CENPC: variants seen among roughly 807,000 people sequenced by gnomAD.
CENPC encodes centromere protein C, also known as CENP-C 1.
Under a neutral mutation model 112.1 loss-of-function variants are expected in CENPC, and 63 were observed. The ratio of observed to expected loss-of-function variants is 0.56; its 90% CI spans 0.46 to 0.69. The LOEUF (loss-of-function observed/expected upper bound fraction) is 0.69, where lower values mean the gene tolerates loss of function less well. Ranked by LOEUF, CENPC falls within the 30% of genes least tolerant of loss-of-function variation. The pLI, the probability that CENPC is intolerant of heterozygous loss-of-function variation, is 0.00. For missense variants in CENPC, 1,000 were observed against 1,103.8 expected, an observed-to-expected ratio of 0.91 and a Z score of 1.33; for synonymous variants, 333 against 367.6, an observed-to-expected ratio of 0.91 and a Z score of 1.08.
Position 67,478,102 on chromosome 4 carries a change from A to T in CENPC, c.2671-3124T>A, listed in dbSNP as rs142633999. Among the ~76,000 whole-genome samples, 1,337 of 152,274 alleles carry T rather than the reference A, an allele frequency of 8.8e-3. 17 individuals carry two copies. The highest frequency in any genetic ancestry group is 0.014 in the Non-Finnish European group (935 of 68,038). Reference sequence around the variant, plus strand: ...AATTGGTGTTCCTGAGGAAGAAGAGAAATCTAAAAGTTTGGAAAAATTTGA... The same window carrying T: ...AATTGGTGTTCCTGAGGAAGAAGAGTAATCTAAAAGTTTGGAAAAATTTGA... On this transcript the variant is annotated intron_variant, in intron 17 of 18. Transcript: ENST00000273853.
intron 11 of CENPC, among the ~76,000 whole-genome samples, 179 bp downstream of exon 11, chr4:67,506,609 T>C (rs1049557080): frequency 7.9e-5 from 12 of 152,184 alleles, no homozygotes; most frequent in African/African-American, 2.2e-4. Context: ...TGCTACCTCC[T>C]GAGAATATCC....
At chr4:67,496,027 G>C (rs978533404) in intron 12 of CENPC, among the ~76,000 whole-genome samples, 2 of 152,150 alleles carry the variant, frequency 1.3e-5, no homozygotes, top group African/African-American at 4.8e-5. Context: ...AAAAGGCTAA[G>C]TCCTAATACA....
intron 17 of CENPC, among the ~76,000 whole-genome samples, chr4:67,487,621 A>G (rs1402851676): frequency 2.0e-5 from 3 of 151,636 alleles, no homozygotes; most frequent in Non-Finnish European, 4.4e-5. Flanking sequence ...AATTTTAAAA[A>G]TATTCTCAAC....
chr4:67,514,348 T>C lies in CENPC; in HGVS notation c.1170A>G (p.Glu390=). 1 of 1,612,778 alleles carries C rather than the reference T, an allele frequency of 6.2e-7. No individual in the cohort carries two copies. Among genetic ancestry groups the C allele is most frequent in the Non-Finnish European group, 8.5e-7 (1 of 1,179,118 alleles). Residue 390 remains glutamate, a synonymous_variant, in exon 8 of 19, where the codon GAA becomes GAG. Transcript: ENST00000273853. ...VLDTSYALIG[E]TVNNYRSTKY... Reference sequence around the variant, plus strand: ...TTGTAGATCTATAATTATTTACTGTTTCACCTATCAAAGCATAACTTGTAT... The same window carrying C: ...TTGTAGATCTATAATTATTTACTGTCTCACCTATCAAAGCATAACTTGTAT...
chr4:67,472,464 T>C lies in CENPC; in HGVS notation c.*141A>G, dbSNP rs565671244. 24 of 1,109,644 alleles carry C rather than the reference T, an allele frequency of 2.2e-5. No homozygotes were observed. Among genetic ancestry groups the C allele is most frequent in the African/African-American group, 4.9e-5 (3 of 61,654 alleles). The allele number at this position is 1,109,644 out of a possible 1,614,324, so 68.7% of individuals were successfully genotyped here. ...AAAACATGTGAGTTAGAAATGTTTA[T>C]CAAATACAAGTCTACAGAAAACTGA... On this transcript the variant is annotated 3_prime_UTR_variant, in exon 19 of 19. Transcript: ENST00000273853.
Position 67,472,432 on chromosome 4 carries a change from A to T in CENPC, c.*173T>A. ...AGCTATTATGTACAGTCACTGAAAA[A>T]TCAGAAAAAACATGTGAGTTAGAAA... On this transcript the variant is annotated 3_prime_UTR_variant, in exon 19 of 19. Coordinates refer to ENST00000273853, the MANE Select transcript of CENPC (RefSeq NM_001812.4). The T allele has an allele frequency of 1.2e-6, 1 of 842,468 alleles. No homozygotes were observed. Among genetic ancestry groups the T allele is most frequent in the Non-Finnish European group, 1.5e-6 (1 of 653,910 alleles). The allele number at this position is 842,468 out of a possible 1,614,324, so 52.2% of individuals were successfully genotyped here.
intron 5 of CENPC, among the ~76,000 whole-genome samples, chr4:67,523,949 A>C (rs920202234): frequency 6.6e-6 from 1 of 152,136 alleles, no homozygotes; most frequent in Non-Finnish European, 1.5e-5. Flanking sequence ...AATCTGCAAC[A>C]ATCTGAATAA....
At chr4:67,499,878 C>G (rs1395921481) in intron 12 of CENPC, among the ~76,000 whole-genome samples, 1 of 151,998 alleles carries the variant, frequency 6.6e-6, no homozygotes, top group African/African-American at 2.4e-5. Context: ...CACTTAGAAG[C>G]CATCGTAGGG....
intron 17 of CENPC, among the ~76,000 whole-genome samples, chr4:67,477,208 G>A (rs1243316472): frequency 6.6e-6 from 1 of 152,130 alleles, no homozygotes; most frequent in Non-Finnish European, 1.5e-5. Context: ...ACCATCTCCT[G>A]GCTGGTGGCC....
chr4:67,526,857 A>T (rs917731008), intron 5 of CENPC, among the ~76,000 whole-genome samples: 1 of 152,188 alleles, frequency 6.6e-6, no homozygotes, highest in African/African-American at 2.4e-5. Context: ...CATTTTTTTT[A>T]AATGCCCATT....
intron 5 of CENPC, among the ~76,000 whole-genome samples, chr4:67,523,295 A>G (rs1387971381): frequency 1.0e-5 from 1 of 99,728 alleles, no homozygotes. Context: ...CCAGGGAGAC[A>G]GAGGGAGACT....
chr4:67,536,666 G>GA (rs540175996), intron 4 of CENPC, among the ~76,000 whole-genome samples: 6 of 147,928 alleles, frequency 4.1e-5, no homozygotes, highest in Admixed American at 6.7e-5. Context: ...GGCCCTACCT[G>GA]AAAAAAAAAC....
chr4:67,539,929 C>A lies in CENPC; in HGVS notation c.142G>T (p.Ala48Ser). ...LQDCFEEKSL[A>S]NDFSTNSTKS... ...GTAGAATTTGTACTAAAATCATTGG[C>A]AAGACCTAAAACAAAAGTATGAAAT... is the stretch of plus-strand genomic sequence containing the variant. The change falls in exon 4 of 19, where the codon GCC (alanine) becomes TCC (serine). Residue 48 changes from alanine (A) to serine (S), a missense_variant. By Grantham distance (99) the Ala-to-Ser change is moderately conservative. Transcript: ENST00000273853. 6.7e-7 allele frequency: 1 copy of A among 1,499,922 alleles called. No homozygotes were observed. The highest frequency in any genetic ancestry group is 8.9e-7 in the Non-Finnish European group (1 of 1,125,434). 92.9% of individuals were successfully genotyped at this position (1,499,922 alleles called of 1,614,324 possible). A position where few individuals can be genotyped will look rare whatever the true frequency, so the allele number is the denominator to read the frequency against.
chr4:67,484,671 C>T (rs1039454724), intron 17 of CENPC, among the ~76,000 whole-genome samples: 12 of 152,186 alleles, frequency 7.9e-5, no homozygotes, highest in African/African-American at 2.9e-4. Flanking sequence ...TCCTTGGTGC[C>T]AAAAAGGATG....
chr4:67,476,858 C>G (rs1411345284), intron 17 of CENPC, among the ~76,000 whole-genome samples: 2 of 152,194 alleles, frequency 1.3e-5, no homozygotes, highest in African/African-American at 4.8e-5. Context: ...CTGGCCTAGC[C>G]TGGCTGCTTG....
chr4:67,497,300 C>A (rs1322381017), intron 12 of CENPC, among the ~76,000 whole-genome samples: 1 of 151,882 alleles, frequency 6.6e-6, no homozygotes, highest in African/African-American at 2.4e-5. Flanking sequence ...ATCGCTTGAA[C>A]CCAGAAGGCG....
At chr4:67,544,878 C>T (rs1726984451) in intron 1 of CENPC, among the ~76,000 whole-genome samples, 2 of 152,134 alleles carry the variant, frequency 1.3e-5, no homozygotes, top group Admixed American at 1.3e-4. Context: ...TAATCTGTTT[C>T]TCCCAACTAC....
chr4:67,537,565 G>C (rs1392548222), intron 4 of CENPC, among the ~76,000 whole-genome samples: 3 of 152,116 alleles, frequency 2.0e-5, no homozygotes, highest in African/African-American at 7.2e-5. Context: ...GGCCAATGCA[G>C]GAGTATCACT....
In CENPC at chr4:67,523,406, A is replaced by G. The variant is rs371578505; in HGVS notation, c.332-3904T>C. On this transcript the variant is annotated intron_variant, in intron 5 of 18. Transcript: ENST00000273853. ...AGTTGATAAAACTGTTTTCCACAGGATATGAGTCAACAATTCTGACACTCT... is the reference window on the plus strand; with the variant it reads ...AGTTGATAAAACTGTTTTCCACAGGGTATGAGTCAACAATTCTGACACTCT... Among the ~76,000 whole-genome samples, 8 of 152,352 alleles carry G rather than the reference A, an allele frequency of 5.3e-5. No homozygotes were observed. The East Asian group carries it at 5.8e-4, about 11-fold the overall frequency.
Sources: allele counts gnomAD v4.1 joint callset (sites outside exome capture counted in the v4.1 genomes callset), GRCh38; gene constraint gnomAD v4.1.1; transcripts MANE v1.5; gene names NCBI Gene and HGNC (gene_info 2026-07-23, HGNC 2026-07-21).